THSD7B: variants seen among roughly 807,000 people sequenced by gnomAD.
The protein encoded by THSD7B is thrombospondin type-1 domain-containing protein 7B.
A neutral mutation model predicts 213.6 loss-of-function variants in THSD7B; 138 were observed. The observed-to-expected ratio is 0.65, with a 90% CI of 0.56 to 0.74. The LOEUF is 0.74. Among genes scored for constraint, THSD7B ranks in the 30% least tolerant of loss-of-function variants. The pLI, the probability that THSD7B is intolerant of heterozygous loss-of-function variation, is 0.00. For synonymous variants in THSD7B, 742 were observed against 687.0 expected, an observed-to-expected ratio of 1.08 and a Z score of -1.25; for missense variants, 1,931 against 1,991.5, an observed-to-expected ratio of 0.97 and a Z score of 0.58.
intron 2 of THSD7B, among the ~76,000 whole-genome samples, chr2:137,044,725 T>G (rs1686940139): frequency 6.6e-6 from 1 of 152,226 alleles, no homozygotes; most frequent in Non-Finnish European, 1.5e-5. Flanking sequence ...TGTCTCATAC[T>G]ATACTCATCT....
intron 2 of THSD7B, among the ~76,000 whole-genome samples, chr2:136,998,931 CACACACACACACACACACACACACA>C (rs1685949961): frequency 6.7e-6 from 1 of 149,630 alleles, no homozygotes; most frequent in Non-Finnish European, 1.5e-5. Flanking sequence ...CACACACACA[CACACACACACACACACACACACACA>C]CACCCCTGCT....
chr2:136,878,914 A>T (rs1368892043), intron 1 of THSD7B, among the ~76,000 whole-genome samples: 2 of 152,056 alleles, frequency 1.3e-5, no homozygotes, highest in Admixed American at 6.6e-5. Flanking sequence ...GCAGCTCTTT[A>T]GTTTAATTAG....
chr2:137,367,601 A>G lies in THSD7B; in HGVS notation c.2501-38012A>G, dbSNP rs529434542. Among the ~76,000 whole-genome samples the G allele has an allele frequency of 2.6e-5, 4 of 152,236 alleles. No individual in the cohort carries two copies. In the South Asian group the frequency reaches 8.3e-4, roughly 32 times the overall value. On this transcript the variant is annotated intron_variant, in intron 12 of 27. Transcript: ENST00000409968. ...AAATTCTGTAATCTTTCTAACCTATATTAGTCTGCTTCAGAGGGCATAACA... is the reference window on the plus strand; with the variant it reads ...AAATTCTGTAATCTTTCTAACCTATGTTAGTCTGCTTCAGAGGGCATAACA...
intron 2 of THSD7B, among the ~76,000 whole-genome samples, chr2:136,933,953 A>C (rs1684676547): frequency 6.6e-6 from 1 of 152,200 alleles, no homozygotes; most frequent in Non-Finnish European, 1.5e-5. Flanking sequence ...TGAGGTTCCC[A>C]AGCTAGAAGT....
intron 25 of THSD7B, among the ~76,000 whole-genome samples, chr2:137,661,620 G>A (rs902380849): frequency 6.6e-5 from 10 of 152,026 alleles, no homozygotes; most frequent in African/African-American, 2.4e-4. Context: ...CTTGTACTGA[G>A]GCAAGTATTT....
chr2:137,350,456 G>A (rs1052975747), intron 12 of THSD7B, among the ~76,000 whole-genome samples: 1 of 151,762 alleles, frequency 6.6e-6, no homozygotes, highest in African/African-American at 2.4e-5. Context: ...TCTAGCAGTG[G>A]AGAAAGTCAG....
intron 5 of THSD7B, among the ~76,000 whole-genome samples, chr2:137,132,370 T>G (rs1688753259): frequency 3.1e-5 from 1 of 32,290 alleles, no homozygotes; most frequent in Non-Finnish European, 9.0e-5. Flanking sequence ...GGTATTCAAT[T>G]TTTTTTTTTT....
In THSD7B at chr2:136,939,287, A is replaced by T. The variant is rs552522357; in HGVS notation, c.139+56970A>T. Among the ~76,000 whole-genome samples, 6 of 152,234 alleles carry T rather than the reference A, an allele frequency of 3.9e-5. 1 individual carries two copies. The South Asian group carries it at 1.2e-3, about 32-fold the overall frequency. ...ATTGCTACCACCCACCACCCTAGCAACATCTTCCAAGTTATTCTCTGCTCT... is the reference window on the plus strand; with the variant it reads ...ATTGCTACCACCCACCACCCTAGCATCATCTTCCAAGTTATTCTCTGCTCT... On this transcript the variant is annotated intron_variant, in intron 2 of 27. Coordinates refer to ENST00000409968, the MANE Select transcript of THSD7B (RefSeq NM_001316349.2).
chr2:137,426,978 G>A (rs945506430), intron 14 of THSD7B, among the ~76,000 whole-genome samples: 1 of 151,766 alleles, frequency 6.6e-6, no homozygotes, highest in African/African-American at 2.4e-5. Flanking sequence ...TTTTAAAAGG[G>A]GCAAAGGATC....
At position 137,078,257 on chromosome 2, in the gene THSD7B, C is replaced by T. The variant is rs374100463; in HGVS notation, c.951-16616C>T. ...TGTAGTGTAGTTTGAAGTCAGATAG[C>T]GTGATGCCTCCAGCTTTGTTCTTTT... On this transcript the variant is annotated intron_variant, in intron 3 of 27. Coordinates refer to ENST00000409968, the MANE Select transcript of THSD7B (RefSeq NM_001316349.2). Among the ~76,000 whole-genome samples the T allele has an allele frequency of 9.2e-5, 14 of 152,224 alleles. No individual in the cohort carries two copies. The South Asian group carries it at 1.0e-3, about 11-fold the overall frequency.
intron 4 of THSD7B, among the ~76,000 whole-genome samples, chr2:137,110,925 G>T (rs1266627049): frequency 6.6e-6 from 1 of 152,158 alleles, no homozygotes; most frequent in Non-Finnish European, 1.5e-5. Context: ...AAATTGACAT[G>T]CTGTACAGGT....
intron 20 of THSD7B, among the ~76,000 whole-genome samples, chr2:137,621,631 G>T (rs905701829): frequency 2.6e-5 from 4 of 152,178 alleles, no homozygotes; most frequent in East Asian, 3.9e-4. Context: ...GCATAAAACA[G>T]AGCTGGCTTA....
At chr2:137,664,206 C>T (rs1032159507) in intron 26 of THSD7B, among the ~76,000 whole-genome samples, 5 of 152,200 alleles carry the variant, frequency 3.3e-5, no homozygotes, top group Non-Finnish European at 7.3e-5. Flanking sequence ...ACTCTTATAA[C>T]TGAATTTGTA....
chr2:137,395,922 T>G (rs1403269570), intron 12 of THSD7B, among the ~76,000 whole-genome samples: 5 of 151,916 alleles, frequency 3.3e-5, no homozygotes, highest in Middle Eastern at 6.8e-3. Flanking sequence ...ATTTATCCAT[T>G]TCTTCTAGAT....
chr2:137,439,194 A>T (rs1406852054), intron 14 of THSD7B, among the ~76,000 whole-genome samples: 3 of 152,074 alleles, frequency 2.0e-5, no homozygotes, highest in African/African-American at 7.2e-5. Flanking sequence ...CTTTTTTTAA[A>T]CTACCAAGTT....
intron 4 of THSD7B, among the ~76,000 whole-genome samples, chr2:137,104,706 TAAAA>T (rs1475045111): frequency 6.6e-6 from 1 of 151,760 alleles, no homozygotes; most frequent in Admixed American, 6.6e-5. Flanking sequence ...ATAGACATAA[TAAAA>T]AATGATAAAG....
intron 14 of THSD7B, among the ~76,000 whole-genome samples, chr2:137,449,889 T>A (rs1017921910): frequency 1.3e-5 from 2 of 151,994 alleles, no homozygotes; most frequent in African/African-American, 4.8e-5. Flanking sequence ...TACCATAACC[T>A]AATAATGGGA....
chr2:137,372,268 G>A (rs1476006681), intron 12 of THSD7B, among the ~76,000 whole-genome samples: 5 of 147,772 alleles, frequency 3.4e-5, no homozygotes, highest in Non-Finnish European at 6.0e-5. Flanking sequence ...ATGTGGTTAG[G>A]TAATCCCCTC....
chr2:137,195,907 A>G (rs1001783690), intron 7 of THSD7B, among the ~76,000 whole-genome samples: 1 of 151,754 alleles, frequency 6.6e-6, no homozygotes, highest in Admixed American at 6.6e-5. Context: ...GTAAAATGAT[A>G]ACTTTACAGA....
Sources: gnomAD v4.1 joint callset for allele counts (sites outside exome capture counted in the v4.1 genomes callset) on GRCh38, gnomAD v4.1.1 for gene constraint, MANE v1.5 for transcripts, NCBI Gene and HGNC (gene_info 2026-07-23, HGNC 2026-07-21) for gene names.